Variants in IFT74 observed in about 807,000 individuals in gnomAD.
IFT74 encodes intraflagellar transport protein 74 homolog.
IFT74 carries 92 observed loss-of-function variants against 96.7 expected under a neutral mutation model. The ratio of observed to expected loss-of-function variants is 0.95; its 90% CI spans 0.80 to 1.13. The LOEUF (loss-of-function observed/expected upper bound fraction) is 1.13. IFT74 is among the 50% of genes most tolerant of loss of function. The pLI is 0.00. For missense variants in IFT74, 811 were observed against 698.2 expected (o/e 1.16, Z -1.82); for synonymous variants, 223 against 213.2 (o/e 1.05, Z -0.40).
At chr9:26,986,424 T>A (rs896582598) in intron 6 of IFT74, among the ~76,000 whole-genome samples, 5 of 151,666 alleles carry the variant, frequency 3.3e-5, no homozygotes, top group African/African-American at 1.2e-4. Context: ...CAATTGATCC[T>A]CCCACCTAAG....
intron 8 of IFT74, among the ~76,000 whole-genome samples, chr9:26,997,330 CTTTT>C (rs773530183): frequency 0.017 from 2,128 of 123,406 alleles, 35 homozygotes; most frequent in African/African-American, 0.058. Flanking sequence ...GTTTCCTTTC[CTTTT>C]TTTTTTTTTT....
At position 26,988,681 on chromosome 9, in the gene IFT74, CTT is replaced by C; in HGVS notation, c.479_480del (p.Leu160GlnfsTer5). The C allele has an allele frequency of 6.5e-7, 1 of 1,546,776 alleles. No homozygotes were observed. Among genetic ancestry groups the C allele is most frequent in the Non-Finnish European group, 8.8e-7 (1 of 1,134,402 alleles). Reference protein sequence around the residue: ...LADYNMLVDKLNTNTEMEEVM... With the variant: ...LADYNMLVDKXNTNTEMEEVM... Reference sequence around the variant, plus strand: ...TTTTTGTTTTTAGTTGGTAGATAAACTTAATACCAACACTGAAATGGAAGAAG... The same window carrying C: ...TTTTTGTTTTTAGTTGGTAGATAAACAATACCAACACTGAAATGGAAGAAG... On this transcript the variant is annotated frameshift_variant, in exon 7 of 20. Coordinates refer to ENST00000380062, the MANE Select transcript of IFT74 (RefSeq NM_025103.4). LOFTEE classifies it high-confidence loss of function.
At chr9:27,002,030 C>T (rs573175325) in intron 8 of IFT74, among the ~76,000 whole-genome samples, 1 of 151,882 alleles carries the variant, frequency 6.6e-6, no homozygotes, top group South Asian at 2.1e-4. Context: ...CCTCAGGAAA[C>T]TTACAATCAT....
chr9:27,011,905 G>A lies in IFT74; in HGVS notation c.727-1G>A. 1.3e-6 allele frequency: 2 copies of A among 1,532,808 alleles called. No homozygotes were observed. Among genetic ancestry groups the A allele is most frequent in the Non-Finnish European group, 1.8e-6 (2 of 1,141,304 alleles). The allele number at this position is 1,532,808 out of a possible 1,614,324, so 95.0% of individuals were successfully genotyped here. A position where few individuals can be genotyped will look rare whatever the true frequency, so the allele number is the denominator to read the frequency against. On this transcript the variant is annotated splice_acceptor_variant, in intron 9 of 19. Transcript: ENST00000380062. LOFTEE classifies it high-confidence loss of function. ...ATGTTTGCTTTTTTTTTTCCACTTA[G>A]GAATTAGATACACTTCAACAACAAT...
chr9:27,061,497 G>A (rs1281070116), intron 19 of IFT74, among the ~76,000 whole-genome samples: 1 of 151,902 alleles, frequency 6.6e-6, no homozygotes, highest in African/African-American at 2.4e-5. Context: ...AGCCAGGCTG[G>A]TCTCAAACTC....
chr9:26,990,222 A>T (rs759009467), intron 8 of IFT74, 27 bp downstream of exon 8: 26 of 1,182,372 alleles, frequency 2.2e-5, no homozygotes, highest in Non-Finnish European at 2.9e-5. Flanking sequence ...TAAAAATTAG[A>T]TTCATAAGTA....
chr9:27,025,415 C>G (rs1036600110), intron 12 of IFT74, among the ~76,000 whole-genome samples: 1 of 142,082 alleles, frequency 7.0e-6, no homozygotes, highest in Non-Finnish European at 1.5e-5. Flanking sequence ...TGCATTCCAT[C>G]CTGGGTGACA....
chr9:27,046,375 C>T (rs1056187631), intron 14 of IFT74, among the ~76,000 whole-genome samples: 6 of 151,988 alleles, frequency 3.9e-5, no homozygotes, highest in African/African-American at 9.7e-5. Context: ...AATGGGAATC[C>T]ATTACAGAAG....
chr9:26,955,232 A>G (rs1038239405), upstream of IFT74, among the ~76,000 whole-genome samples: 16 of 152,184 alleles, frequency 1.1e-4, no homozygotes, highest in African/African-American at 3.6e-4. Flanking sequence ...TCTCCTCCCA[A>G]TAAAGCCTCT....
intron 13 of IFT74, among the ~76,000 whole-genome samples, chr9:27,036,078 A>G (rs912932300): frequency 6.6e-6 from 1 of 152,254 alleles, no homozygotes; most frequent in Non-Finnish European, 1.5e-5. Flanking sequence ...TAGAGAAAAG[A>G]AAATGTTATT....
intron 1 of IFT74, among the ~76,000 whole-genome samples, chr9:26,958,197 A>G (rs1826206163): frequency 6.6e-6 from 1 of 152,256 alleles, no homozygotes; most frequent in South Asian, 2.1e-4. Context: ...ATTAAGATTC[A>G]GCTCTTGCCA....
At chr9:26,983,390 G>A (rs752318307) in intron 4 of IFT74, among the ~76,000 whole-genome samples, 2 of 152,174 alleles carry the variant, frequency 1.3e-5, no homozygotes, top group African/African-American at 4.8e-5. Flanking sequence ...CTAGAGCAGT[G>A]GTTCTCAACT....
rs371011235 is a variant in IFT74 at position 27,062,777 on chromosome 9, C to T, written c.*41C>T. On this transcript the variant is annotated 3_prime_UTR_variant, in exon 20 of 20. Coordinates refer to ENST00000380062, the MANE Select transcript of IFT74 (RefSeq NM_025103.4). ...AAGTCTCTAAGGAAGTATCCTCTTG[C>T]TGCTAAACTTGGTACAAGTTGACTA... The T allele has an allele frequency of 6.8e-6, 7 of 1,036,088 alleles. No homozygotes were observed. Among genetic ancestry groups the T allele is most frequent in the African/African-American group, 1.7e-5 (1 of 60,104 alleles). The allele number at this position is 1,036,088 out of a possible 1,614,324, so 64.2% of individuals were successfully genotyped here.
At chr9:27,044,571 C>G (rs1371718699) in intron 13 of IFT74, among the ~76,000 whole-genome samples, 171 bp from the exon 14 acceptor site, 1 of 152,152 alleles carries the variant, frequency 6.6e-6, no homozygotes, top group Non-Finnish European at 1.5e-5. Flanking sequence ...AAGTTACATG[C>G]ATATGTCTAC....
intron 4 of IFT74, among the ~76,000 whole-genome samples, chr9:26,981,416 CAT>C (rs1353550753): frequency 3.3e-5 from 5 of 149,880 alleles, no homozygotes; most frequent in Admixed American, 6.6e-5. Context: ...CACCTGGCCT[CAT>C]AGCATTTTTT....
chr9:27,033,583 A>G (rs2131657116), intron 13 of IFT74, among the ~76,000 whole-genome samples: 1 of 151,468 alleles, frequency 6.6e-6, no homozygotes, highest in Non-Finnish European at 1.5e-5. Context: ...CAAAAAAAAA[A>G]AAAAAAAAAA....
At chr9:27,033,231 T>G (rs1830203516) in intron 13 of IFT74, among the ~76,000 whole-genome samples, 1 of 152,138 alleles carries the variant, frequency 6.6e-6, no homozygotes, top group African/African-American at 2.4e-5. Context: ...TATAGCATAG[T>G]GGTCAATGTT....
chr9:27,026,146 A>G (rs1488721272), intron 12 of IFT74, among the ~76,000 whole-genome samples: 1 of 152,248 alleles, frequency 6.6e-6, no homozygotes, highest in Non-Finnish European at 1.5e-5. Flanking sequence ...GGAAAAAGTT[A>G]TTCCATGCAA....
chr9:26,966,893 G>T (rs968513357), intron 2 of IFT74, among the ~76,000 whole-genome samples: 6 of 152,010 alleles, frequency 3.9e-5, no homozygotes, highest in Admixed American at 3.9e-4. Context: ...TGGATATCCA[G>T]TTCTCCCAGT....
Sources: allele counts gnomAD v4.1 joint callset (sites outside exome capture counted in the v4.1 genomes callset), GRCh38; gene constraint gnomAD v4.1.1; transcripts MANE v1.5; gene names NCBI Gene and HGNC (gene_info 2026-07-23, HGNC 2026-07-21).